The following FANCA variants were observed in gnomAD, a reference collection of about 807,000 sequenced individuals.
FANCA encodes the protein Fanconi anemia group A protein.
FANCA carries 236 observed loss-of-function variants against 194.3 expected under a neutral mutation model. The ratio of observed to expected loss-of-function variants is 1.21; its 90% CI spans 1.09 to 1.35. The LOEUF (loss-of-function observed/expected upper bound fraction) is 1.35, where lower values mean the gene tolerates loss of function less well. Among genes scored for constraint, FANCA ranks in the 40% most tolerant of loss-of-function variants. FANCA has a pLI of 0.00. For missense variants in FANCA, 2,628 were observed against 1,813.9 expected (o/e 1.45, Z -8.15); for synonymous variants, 1,014 against 715.8 (o/e 1.42, Z -6.65).
At chr16:89,809,375 G>T (rs951766616) in intron 5 of FANCA, among the ~76,000 whole-genome samples, 2 of 152,066 alleles carry the variant, frequency 1.3e-5, no homozygotes, top group Non-Finnish European at 2.9e-5. Context: ...AGGGACCAAA[G>T]CAATAACTGA....
At position 89,773,345 on chromosome 16, in the gene FANCA, T is replaced by A; in HGVS notation, c.1940A>T (p.Glu647Val). ...AGCTGTGAGCTGTCCCAGGGGCTCC[T>A]CAGCAGAGTTGGGTTCTGCCCTCAC... ...LGVRAEPNSA[E>V]EPLGQLTAAL... is the part of the protein sequence containing the mutation. The change falls in exon 22 of 43, where the codon GAG becomes GTG. Residue 647 changes from glutamate to valine, a missense_variant. Physicochemically the swap from Glu to Val is moderately radical, Grantham distance 121 (BLOSUM62 -2). Transcript: ENST00000389301. 6.4e-7 allele frequency: 1 copy of A among 1,551,564 alleles called. No individual in the cohort carries two copies. The highest frequency in any genetic ancestry group is 8.7e-7 in the Non-Finnish European group (1 of 1,146,960).
In FANCA at chr16:89,782,841, G is replaced by C. The variant is rs1294503535; in HGVS notation, c.1626+18C>G. 1 of 1,611,232 alleles carries C rather than the reference G, an allele frequency of 6.2e-7. No homozygotes were observed. The highest frequency in any genetic ancestry group is 8.5e-7 in the Non-Finnish European group (1 of 1,177,416). ...GGGCGTGACTGGCTGAGACCCTGCA[G>C]GGCTCAAGCAACATTACCTCAGTAA... On this transcript the variant is annotated intron_variant, in intron 17 of 42. Coordinates refer to ENST00000389301, the MANE Select transcript of FANCA (RefSeq NM_000135.4).
intron 17 of FANCA, among the ~76,000 whole-genome samples, chr16:89,781,363 CAAAAAAAAA>C (rs775937692): frequency 7.5e-4 from 45 of 60,394 alleles, no homozygotes; most frequent in Admixed American, 2.1e-3. Flanking sequence ...GACTCCATTC[CAAAAAAAAA>C]AAAAAAAAAA....
chr16:89,761,503 C>T lies in FANCA; in HGVS notation c.2852+446G>A, dbSNP rs9929213. 2.0e-3 allele frequency among the ~76,000 whole-genome samples: 295 copies of T among 149,452 alleles called. 1 individual carries two copies. The highest frequency in any genetic ancestry group is 0.01 in the Middle Eastern group (3 of 290). On this transcript the variant is annotated intron_variant, in intron 29 of 42. Transcript: ENST00000389301. Reference sequence around the variant, plus strand: ...CTTTTGCTTTAATAAATCTTGCCACCGAAAAAAAAAAAATTGAAATTGTGC... The same window carrying T: ...CTTTTGCTTTAATAAATCTTGCCACTGAAAAAAAAAAAATTGAAATTGTGC...
At chr16:89,749,525 C>G (rs945022066) in intron 32 of FANCA, among the ~76,000 whole-genome samples, 2 of 152,246 alleles carry the variant, frequency 1.3e-5, no homozygotes, top group Admixed American at 1.3e-4. Context: ...CCTCGCTTGG[C>G]TGGAAGGTTT....
intron 5 of FANCA, 134 bp from the exon 6 acceptor site, chr16:89,808,501 G>T: frequency 2.2e-6 from 2 of 891,812 alleles, no homozygotes; most frequent in Non-Finnish European, 3.5e-6. Context: ...TTAACCTCAA[G>T]CAAAAACTTA....
At chr16:89,793,772 GC>G (rs2040155636) in intron 11 of FANCA, among the ~76,000 whole-genome samples, 2 of 151,882 alleles carry the variant, frequency 1.3e-5, no homozygotes, top group African/African-American at 2.4e-5. Context: ...TTTTTTTGAT[GC>G]TGAGTCTCAC....
chr16:89,815,002 C>A (rs1462880456), intron 2 of FANCA, among the ~76,000 whole-genome samples: 1 of 152,130 alleles, frequency 6.6e-6, no homozygotes, highest in Non-Finnish European at 1.5e-5. Context: ...TGCATAAACA[C>A]AACCTGTGTG....
Position 89,807,832 on chromosome 16 carries a change from G to A in FANCA, c.596+462C>T, listed in dbSNP as rs925428741. ...CGGGAGGTGGAGCCTGCAGTGAGCC[G>A]ACATCACGTCACTGCACTCCAGCCT... On this transcript the variant is annotated intron_variant, in intron 6 of 42. Transcript: ENST00000389301. Among the ~76,000 whole-genome samples the A allele has an allele frequency of 4.6e-5, 7 of 151,738 alleles. No individual in the cohort carries two copies. The East Asian group carries it at 9.8e-4, about 21-fold the overall frequency.
chr16:89,790,965 G>T, intron 14 of FANCA: 1 of 228,804 alleles, frequency 4.4e-6, no homozygotes, highest in Non-Finnish European at 8.7e-6. Context: ...GAGTAACGAG[G>T]ACTACAGGTG....
At chr16:89,810,650 G>C (rs2040840758) in intron 5 of FANCA, 57 bp downstream of exon 5, 4 of 1,144,310 alleles carry the variant, frequency 3.5e-6, no homozygotes, top group Non-Finnish European at 5.3e-6. Context: ...CCTCCATCCA[G>C]ATCAACAGAA....
intron 15 of FANCA, 101 bp downstream of exon 15, chr16:89,784,753 G>C (rs1296350755): frequency 5.7e-6 from 5 of 882,114 alleles, no homozygotes; most frequent in Non-Finnish European, 9.7e-6. Flanking sequence ...GAGAGGCTCA[G>C]AGCAGATCTG....
At chr16:89,763,247 C>CA (rs59277049) in intron 28 of FANCA, among the ~76,000 whole-genome samples, 22 of 148,586 alleles carry the variant, frequency 1.5e-4, no homozygotes, top group Non-Finnish European at 1.9e-4. Flanking sequence ...ATTCCATCTC[C>CA]AAAAAAAAAA....
At position 89,759,475 on chromosome 16, in the gene FANCA, C is replaced by A. The variant is rs997736590; in HGVS notation, c.2853-770G>T. Among the ~76,000 whole-genome samples, 4 of 151,644 alleles carry A rather than the reference C, an allele frequency of 2.6e-5. No homozygotes were observed. In the East Asian group the frequency reaches 7.8e-4, roughly 29 times the overall value. Reference sequence around the variant, plus strand: ...GGATGGGAAGGGGCTCAAGGAGACACTGACTCAAAACTGCAGTGGCTACAC... The same window carrying A: ...GGATGGGAAGGGGCTCAAGGAGACAATGACTCAAAACTGCAGTGGCTACAC... On this transcript the variant is annotated intron_variant, in intron 29 of 42. Transcript: ENST00000389301.
intron 1 of FANCA, 40 bp from the exon 2 acceptor site, chr16:89,816,026 T>A: frequency 6.7e-7 from 1 of 1,502,926 alleles, no homozygotes; most frequent in East Asian, 2.3e-5. Flanking sequence ...ACAGCACAAT[T>A]CACACACGGG....
chr16:89,770,554 G>A lies in FANCA; in HGVS notation c.2222+10C>T, dbSNP rs770711287. On this transcript the variant is annotated intron_variant, in intron 24 of 42. Transcript: ENST00000389301. ...AGCCCCACCACTCAGGGAGCTGCCC[G>A]CGCCTTCACCTCTCCGGGGGAGCGA... 1.8e-5 allele frequency: 29 copies of A among 1,601,006 alleles called. No homozygotes were observed. The highest frequency in any genetic ancestry group is 1.7e-4 in the Middle Eastern group (1 of 6,032).
At chr16:89,770,497 G>T in intron 24 of FANCA, 67 bp downstream of exon 24, 1 of 1,445,272 alleles carries the variant, frequency 6.9e-7, no homozygotes, top group Non-Finnish European at 9.5e-7. Context: ...CTGGTCTGCA[G>T]ACTTGGCCCA....
chr16:89,773,066 G>C (rs998355439), intron 22 of FANCA, among the ~76,000 whole-genome samples: 1 of 152,126 alleles, frequency 6.6e-6, no homozygotes, highest in African/African-American at 2.4e-5. Flanking sequence ...TCTGCCAAGG[G>C]TCTGTGACAG....
At chr16:89,778,402 C>A (rs760932908) in intron 20 of FANCA, 210 of 353,458 alleles carry the variant, frequency 5.9e-4, no homozygotes, top group Non-Finnish European at 1.0e-3. Flanking sequence ...GGAGGCAGAG[C>A]TTGCAGTGAG....
Sources: gnomAD v4.1 joint callset for allele counts (sites outside exome capture counted in the v4.1 genomes callset) on GRCh38, gnomAD v4.1.1 for gene constraint, MANE v1.5 for transcripts, NCBI Gene and HGNC (gene_info 2026-07-23, HGNC 2026-07-21) for gene names.